Variants in HERC3 observed in about 807,000 individuals in gnomAD.
HERC3 encodes HECT and RLD domain containing E3 ubiquitin protein ligase 3.
HERC3 carries 58 observed loss-of-function variants against 129.9 expected under a neutral mutation model. The observed-to-expected ratio is 0.45, with a 90% CI of 0.36 to 0.56. The LOEUF is 0.56. HERC3 is among the 20% of genes least tolerant of loss of function. The pLI, the probability that HERC3 is intolerant of heterozygous loss-of-function variation, is 0.00. For missense variants in HERC3, 835 were observed against 1,244.2 expected (o/e 0.67, Z 4.95); for synonymous variants, 430 against 451.0 (o/e 0.95, Z 0.59).
intron 4 of HERC3, among the ~76,000 whole-genome samples, chr4:88,651,746 G>A (rs1203670484): frequency 2.6e-5 from 4 of 152,034 alleles, no homozygotes; most frequent in Non-Finnish European, 2.9e-5. Flanking sequence ...CACAACGCCC[G>A]GCTGATTTTT....
chr4:88,536,373 T>C, the HERC3 span, among the ~76,000 whole-genome samples: 2 of 152,214 alleles, frequency 1.3e-5, no homozygotes, highest in African/African-American at 4.8e-5. Context: ...TATGAAGATT[T>C]TTCTAACTCC....
chr4:88,644,072 G>A (rs564465433), intron 3 of HERC3, among the ~76,000 whole-genome samples: 247 of 152,192 alleles, frequency 1.6e-3, no homozygotes, highest in African/African-American at 5.6e-3. Flanking sequence ...AATTAAAACC[G>A]TAATGAAATA....
At chr4:88,609,948 A>G (rs1724107270) in intron 3 of HERC3, among the ~76,000 whole-genome samples, 1 of 152,172 alleles carries the variant, frequency 6.6e-6, no homozygotes, top group Non-Finnish European at 1.5e-5. Context: ...CCCTTTTTAG[A>G]CCATGTAGGG....
At chr4:88,528,823 G>A in the HERC3 span, among the ~76,000 whole-genome samples, 3 of 151,960 alleles carry the variant, frequency 2.0e-5, no homozygotes, top group African/African-American at 7.3e-5. Flanking sequence ...CAAGACTTCC[G>A]GTGTTATTTC....
At chr4:88,636,441 G>C (rs912891603) in intron 3 of HERC3, among the ~76,000 whole-genome samples, 1 of 152,120 alleles carries the variant, frequency 6.6e-6, no homozygotes, top group South Asian at 2.1e-4. Context: ...AACAAGAAGA[G>C]CTAACTATCC....
intron 13 of HERC3, 38 bp downstream of exon 13, chr4:88,667,526 G>T: frequency 1.8e-6 from 2 of 1,141,380 alleles, no homozygotes; most frequent in African/African-American, 1.6e-5. Flanking sequence ...TCTTAAAAAT[G>T]CATTTTTGTA....
chr4:88,700,776 G>T (rs942784317), intron 23 of HERC3, among the ~76,000 whole-genome samples: 1 of 152,164 alleles, frequency 6.6e-6, no homozygotes. Flanking sequence ...CCCGAAATCT[G>T]CAGGGTAGGC....
In HERC3 at chr4:88,677,950, C is replaced by A. The variant is rs567499142; in HGVS notation, c.2026-14C>A. ...GTGCTCTGAGTAATTGCTTTCTTGA[C>A]TGTGCCATTCCAGGTGGCAGTCAAT... On this transcript the variant is annotated splice_polypyrimidine_tract_variant and intron_variant, in intron 18 of 25. Coordinates refer to ENST00000402738, the MANE Select transcript of HERC3 (RefSeq NM_014606.3). 6.2e-7 allele frequency: 1 copy of A among 1,609,122 alleles called. No homozygotes were observed.
In HERC3 at chr4:88,656,243, G is replaced by T. The variant is rs1222840992; in HGVS notation, c.1069+208G>T. The T allele has an allele frequency of 8.8e-6, 5 of 568,684 alleles. No homozygotes were observed. The Admixed American group carries it at 1.5e-4, about 17-fold the overall frequency. 35.2% of individuals were successfully genotyped at this position (568,684 alleles called of 1,614,324 possible). ...AATAAATAAAGCAGGAAATACTGTTGTGTTAGGCCGTTCTTGCATTGCTGT... is the reference window on the plus strand; with the variant it reads ...AATAAATAAAGCAGGAAATACTGTTTTGTTAGGCCGTTCTTGCATTGCTGT... On this transcript the variant is annotated intron_variant, in intron 9 of 25. Coordinates refer to ENST00000402738, the MANE Select transcript of HERC3 (RefSeq NM_014606.3).
the HERC3 span, among the ~76,000 whole-genome samples, chr4:88,553,640 A>G: frequency 3.3e-5 from 5 of 152,198 alleles, no homozygotes; most frequent in African/African-American, 7.2e-5. Context: ...TGCAATTAGC[A>G]TTCACTAACA....
At chr4:88,579,194 C>G in the HERC3 span, among the ~76,000 whole-genome samples, 2 of 147,008 alleles carry the variant, frequency 1.4e-5, no homozygotes, top group African/African-American at 5.1e-5. Context: ...CCAGCTTGGC[C>G]AACGTGGTGA....
chr4:88,534,240 T>C, the HERC3 span, among the ~76,000 whole-genome samples: 1 of 152,256 alleles, frequency 6.6e-6, no homozygotes, highest in African/African-American at 2.4e-5. Context: ...TCAACTGGAA[T>C]GATTTTGAAC....
chr4:88,706,975 T>A lies in HERC3; in HGVS notation c.*15T>A, dbSNP rs778484286. 15 of 1,599,374 alleles carry A rather than the reference T, an allele frequency of 9.4e-6. No homozygotes were observed. Among genetic ancestry groups the A allele is most frequent in the Non-Finnish European group, 1.2e-5 (14 of 1,166,540 alleles). On this transcript the variant is annotated 3_prime_UTR_variant, in exon 26 of 26. Transcript: ENST00000402738. ...GTTTGGCCTGAGGCTTCTCAGCTTG[T>A]CCAGTATTTCCCTTCGTTCCTCAGT...
At position 88,692,819 on chromosome 4, in the gene HERC3, A is replaced by G. The variant is rs1196242954; in HGVS notation, c.2657+5520A>G. Reference sequence around the variant, plus strand: ...TTCAAAGCCAGGTGGTTTGAGTTAGACTGCGCTCCATGGGTACCAGCATAT... The same window carrying G: ...TTCAAAGCCAGGTGGTTTGAGTTAGGCTGCGCTCCATGGGTACCAGCATAT... On this transcript the variant is annotated intron_variant, in intron 23 of 25. Coordinates refer to ENST00000402738, the MANE Select transcript of HERC3 (RefSeq NM_014606.3). 4.8e-6 allele frequency: 4 copies of G among 840,938 alleles called. No homozygotes were observed. In the East Asian group the frequency reaches 4.9e-4, roughly 103 times the overall value. The allele number at this position is 840,938 out of a possible 1,614,324, so 52.1% of individuals were successfully genotyped here.
chr4:88,639,709 A>G (rs1000656187), intron 3 of HERC3, among the ~76,000 whole-genome samples: 8 of 152,236 alleles, frequency 5.3e-5, no homozygotes, highest in African/African-American at 1.9e-4. Flanking sequence ...GCTGAAAGCA[A>G]TTGCAACAAA....
In HERC3 at chr4:88,651,751, A is replaced by AT. The variant is rs569401282; in HGVS notation, c.387-253dup. Among the ~76,000 whole-genome samples the AT allele has an allele frequency of 5.5e-4, 84 of 151,908 alleles. No individual in the cohort carries two copies. In the South Asian group the frequency reaches 9.2e-3, roughly 17 times the overall value. On this transcript the variant is annotated intron_variant, in intron 4 of 25. Transcript: ENST00000402738. ...AGGCATGTGCCACAACGCCCGGCTG[A>AT]TTTTTTTTGTATTTTTAGTAGAGAT...
chr4:88,575,767 A>G, the HERC3 span, among the ~76,000 whole-genome samples: 2 of 152,242 alleles, frequency 1.3e-5, no homozygotes, highest in Non-Finnish European at 2.9e-5. Flanking sequence ...TTTCATTTCA[A>G]TTAACCAAAT....
intron 3 of HERC3, among the ~76,000 whole-genome samples, chr4:88,643,334 C>T (rs1728336216): frequency 6.6e-6 from 1 of 152,146 alleles, no homozygotes; most frequent in African/African-American, 2.4e-5. Context: ...ATAGATTTAA[C>T]ACAATTTCAG....
chr4:88,588,446 A>G (rs748696492), upstream of HERC3, among the ~76,000 whole-genome samples: 2 of 152,266 alleles, frequency 1.3e-5, no homozygotes, highest in Admixed American at 1.3e-4. Context: ...TGAGAAAGTA[A>G]GTACTTCTTT....
Sources: allele counts gnomAD v4.1 joint callset (sites outside exome capture counted in the v4.1 genomes callset), GRCh38; gene constraint gnomAD v4.1.1; transcripts MANE v1.5; gene names NCBI Gene and HGNC (gene_info 2026-07-23, HGNC 2026-07-21).